The following TMED10 variants were observed in gnomAD, a reference collection of about 807,000 sequenced individuals.
TMED10 encodes the protein transmembrane p24 trafficking protein 10.
Under a neutral mutation model 23.1 loss-of-function variants are expected in TMED10, and 7 were observed. That is an observed-to-expected ratio of 0.30 (90% CI 0.17 to 0.57). The LOEUF (loss-of-function observed/expected upper bound fraction) is 0.57, where lower values mean the gene tolerates loss of function less well. Ranked by LOEUF, TMED10 falls within the 20% of genes least tolerant of loss-of-function variation. TMED10 has a pLI of 0.91. For missense variants in TMED10, 162 were observed against 274.8 expected, an observed-to-expected ratio of 0.59 and a Z score of 2.90; for synonymous variants, 113 against 106.9, an observed-to-expected ratio of 1.06 and a Z score of -0.35.
In TMED10 at chr14:75,134,632, TC is replaced by T. The variant is rs886501531; in HGVS notation, c.*252del. ...TTATCTAGGTAACCCCTATTTTTTG[TC>T]ATAGGTGACTCTAATAATAGACCTA... On this transcript the variant is annotated 3_prime_UTR_variant, in exon 5 of 5. Coordinates refer to ENST00000303575, the MANE Select transcript of TMED10 (RefSeq NM_006827.6). 7.5e-6 allele frequency: 3 copies of T among 397,708 alleles called. No individual in the cohort carries two copies. The highest frequency in any genetic ancestry group is 4.0e-5 in the African/African-American group (2 of 49,560). 24.6% of individuals were successfully genotyped at this position (397,708 alleles called of 1,614,324 possible). A position where few individuals can be genotyped will look rare whatever the true frequency, so the allele number is the denominator to read the frequency against.
intron 1 of TMED10, among the ~76,000 whole-genome samples, chr14:75,158,632 G>A (rs1896050268): frequency 6.6e-6 from 1 of 151,628 alleles, no homozygotes; most frequent in Non-Finnish European, 1.5e-5. Flanking sequence ...CAGCCAAAAA[G>A]TACTTCAGAG....
At chr14:75,138,923 C>A (rs1895788633) in intron 3 of TMED10, among the ~76,000 whole-genome samples, 1 of 150,262 alleles carries the variant, frequency 6.7e-6, no homozygotes, top group Non-Finnish European at 1.5e-5. Context: ...CTGAAGATGG[C>A]TTTTGTAGAT....
At position 75,132,944 on chromosome 14, in the gene TMED10, A is replaced by G. The variant is rs3742771; in HGVS notation, c.*1941T>C. ...GATTTCAAGTCACAGCATTTTTCAT[A>G]ACTGTTTATAAACAATGGTCATTTA... is the stretch of plus-strand genomic sequence containing the variant. On this transcript the variant is annotated 3_prime_UTR_variant, in exon 5 of 5. Coordinates refer to ENST00000303575, the MANE Select transcript of TMED10 (RefSeq NM_006827.6). 0.45 allele frequency: 67,912 copies of G among 152,226 alleles called. 16,511 individuals carry two copies. Among genetic ancestry groups the G allele is most frequent in the East Asian group, 0.84 (4,338 of 5,186 alleles). 9.4% of individuals were successfully genotyped at this position (152,226 alleles called of 1,614,324 possible). A position where few individuals can be genotyped will look rare whatever the true frequency, so the allele number is the denominator to read the frequency against.
At chr14:75,165,135 C>A (rs1446095519) in intron 1 of TMED10, among the ~76,000 whole-genome samples, 2 of 152,166 alleles carry the variant, frequency 1.3e-5, no homozygotes, top group Non-Finnish European at 2.9e-5. Context: ...GCCAAAGGGT[C>A]TATTCCCCTA....
At chr14:75,151,662 T>C (rs1186851526) in intron 2 of TMED10, among the ~76,000 whole-genome samples, 1 of 152,244 alleles carries the variant, frequency 6.6e-6, no homozygotes, top group Non-Finnish European at 1.5e-5. Context: ...GAGTGGTACA[T>C]TCATTACAAA....
intron 1 of TMED10, among the ~76,000 whole-genome samples, chr14:75,165,255 T>A (rs1285673913): frequency 6.6e-6 from 1 of 152,080 alleles, no homozygotes; most frequent in Non-Finnish European, 1.5e-5. Flanking sequence ...TTTTAGACAG[T>A]CTCACGCTGT....
intron 1 of TMED10, among the ~76,000 whole-genome samples, chr14:75,161,069 G>A (rs1896080000): frequency 1.3e-5 from 2 of 152,084 alleles, no homozygotes. Flanking sequence ...GGAAAAAAAA[G>A]TGTTAATTTT....
intron 1 of TMED10, among the ~76,000 whole-genome samples, chr14:75,164,568 TATATATATA>T (rs1233507323): frequency 9.1e-3 from 27 of 2,970 alleles, no homozygotes; most frequent in African/African-American, 0.013. Context: ...TATATATATA[TATATATATA>T]TTTTTTTTTT....
At chr14:75,161,820 TAAA>T (rs563307543) in intron 1 of TMED10, among the ~76,000 whole-genome samples, 4 of 137,312 alleles carry the variant, frequency 2.9e-5, no homozygotes, top group Admixed American at 7.3e-5. Flanking sequence ...CAACTGCATT[TAAA>T]AAAAAAAAAA....
chr14:75,162,981 C>A (rs1017179499), intron 1 of TMED10, among the ~76,000 whole-genome samples: 2 of 151,766 alleles, frequency 1.3e-5, no homozygotes, highest in African/African-American at 4.8e-5. Flanking sequence ...CACCTTGTAA[C>A]GCCAGCACTT....
chr14:75,146,470 T>C (rs1223769544), intron 3 of TMED10, among the ~76,000 whole-genome samples: 3 of 152,238 alleles, frequency 2.0e-5, no homozygotes, highest in African/African-American at 4.8e-5. Flanking sequence ...TTCTATTTCC[T>C]GTACCCCACT....
At chr14:75,164,200 G>T (rs1167378157) in intron 1 of TMED10, among the ~76,000 whole-genome samples, 1 of 150,602 alleles carries the variant, frequency 6.6e-6, no homozygotes, top group Non-Finnish European at 1.5e-5. Flanking sequence ...AGAGTAGCTG[G>T]GACTACAGAT....
rs200389497 is a variant in TMED10, at chr14:75,135,008, TAAAA to T, written c.539-6_539-3del. 1.3e-6 allele frequency: 2 copies of T among 1,522,744 alleles called. No homozygotes were observed. 94.3% of individuals were successfully genotyped at this position (1,522,744 alleles called of 1,614,324 possible). On this transcript the variant is annotated splice_polypyrimidine_tract_variant and splice_region_variant and intron_variant, in intron 4 of 4. Transcript: ENST00000303575. ...ATAGGACCCGAGTGTTTGTTGACTC[TAAAA>T]AAAAACAAAAGCATTGTAAACATAA...
rs866867491 is a variant in TMED10, at chr14:75,147,258, G to A, written c.411+406C>T. Among the ~76,000 whole-genome samples, 19 of 147,348 alleles carry A rather than the reference G, an allele frequency of 1.3e-4. No homozygotes were observed. The East Asian group carries it at 2.0e-3, about 15-fold the overall frequency. On this transcript the variant is annotated intron_variant, in intron 3 of 4. Coordinates refer to ENST00000303575, the MANE Select transcript of TMED10 (RefSeq NM_006827.6). Reference sequence around the variant, plus strand: ...GGCTGGAGTGCAGTGGCACGATCTCGGCTCACTGCAGCCTCTGCCCCCCAG... The same window carrying A: ...GGCTGGAGTGCAGTGGCACGATCTCAGCTCACTGCAGCCTCTGCCCCCCAG...
intron 1 of TMED10, among the ~76,000 whole-genome samples, chr14:75,161,809 A>G (rs186788800): frequency 0.011 from 1,635 of 151,512 alleles, 20 homozygotes; most frequent in African/African-American, 0.038. Flanking sequence ...ACTTGCTAGC[A>G]CAACTGCATT....
rs1896057076 is a variant in TMED10, at chr14:75,159,132, AAAG to A, written c.226-6992_226-6990del. Among the ~76,000 whole-genome samples, 6 of 152,324 alleles carry A rather than the reference AAAG, an allele frequency of 3.9e-5. No homozygotes were observed. In the South Asian group the frequency reaches 1.2e-3, roughly 32 times the overall value. On this transcript the variant is annotated intron_variant, in intron 1 of 4. Transcript: ENST00000303575. ...AAGCATAAAGACAAAATTTAAGAGC[AAAG>A]AAGAAGTTCAAAAAGGTAGACAGCA...
intron 3 of TMED10, among the ~76,000 whole-genome samples, chr14:75,144,962 T>A (rs1434235716): frequency 6.6e-6 from 1 of 152,186 alleles, no homozygotes; most frequent in Non-Finnish European, 1.5e-5. Flanking sequence ...CCCTGCCAGC[T>A]AACAGCCATT....
intron 3 of TMED10, among the ~76,000 whole-genome samples, chr14:75,141,290 G>A (rs1359589883): frequency 2.6e-5 from 4 of 152,164 alleles, no homozygotes; most frequent in African/African-American, 9.7e-5. Flanking sequence ...GTAAAGTGCA[G>A]GCATGTTTAG....
Position 75,169,029 on chromosome 14 carries a change from T to C in TMED10, c.225+7326A>G, listed in dbSNP as rs553377524. 2.6e-5 allele frequency among the ~76,000 whole-genome samples: 4 copies of C among 152,258 alleles called. No individual in the cohort carries two copies. The East Asian group carries it at 7.7e-4, about 29-fold the overall frequency. ...AGAACTGTAAGGTGTTCAGTATAGC[T>C]AGAGTCAGAGTGGGAGGAAGCAAAT... On this transcript the variant is annotated intron_variant, in intron 1 of 4. Transcript: ENST00000303575.
Sources: allele counts gnomAD v4.1 joint callset (sites outside exome capture counted in the v4.1 genomes callset), GRCh38; gene constraint gnomAD v4.1.1; transcripts MANE v1.5; gene names NCBI Gene and HGNC (gene_info 2026-07-23, HGNC 2026-07-21).